The following NPTN variants were observed in gnomAD, a reference collection of about 807,000 sequenced individuals.
NPTN encodes SDR-1.
NPTN carries 5 observed loss-of-function variants against 42.7 expected under a neutral mutation model. The ratio of observed to expected loss-of-function variants is 0.12; its 90% confidence interval spans 0.06 to 0.25. The LOEUF is 0.25. Among genes scored for constraint, NPTN ranks in the 10% least tolerant of loss-of-function variants. NPTN has a pLI of 1.00. For missense variants in NPTN, 307 were observed against 525.4 expected (o/e 0.58, Z 4.06); for synonymous variants, 180 against 201.9 (o/e 0.89, Z 0.92).
intron 1 of NPTN, among the ~76,000 whole-genome samples, chr15:73,620,228 C>T (rs931441335): frequency 2.0e-5 from 3 of 152,156 alleles, no homozygotes; most frequent in African/African-American, 7.2e-5. Flanking sequence ...AGTTTGCAAA[C>T]CCTGCTTTAA....
intron 4 of NPTN, among the ~76,000 whole-genome samples, chr15:73,584,896 A>G (rs527512449): frequency 6.6e-6 from 1 of 152,248 alleles, no homozygotes; most frequent in East Asian, 1.9e-4. Context: ...TGGTTAAAAA[A>G]CATGATCATC....
rs529884330 is a variant in NPTN, at chr15:73,612,594, C to T, written c.92-15225G>A. On this transcript the variant is annotated intron_variant, in intron 1 of 8. Transcript: ENST00000345330. ...CATCCTGGCTAACATGGTGAAACCC[C>T]GCCTCTACTAAAAAAAATACAAAAA... is the stretch of plus-strand genomic sequence containing the variant. Among the ~76,000 whole-genome samples the T allele has an allele frequency of 4.6e-5, 7 of 152,036 alleles. No homozygotes were observed. The South Asian group carries it at 6.2e-4, about 14-fold the overall frequency.
At chr15:73,627,496 G>A (rs1170787255) in intron 1 of NPTN, among the ~76,000 whole-genome samples, 3 of 152,108 alleles carry the variant, frequency 2.0e-5, no homozygotes, top group Non-Finnish European at 4.4e-5. Context: ...GAAAACAGCA[G>A]GTATCTGAGG....
Position 73,570,171 on chromosome 15 carries a change from T to C in NPTN, c.1093A>G (p.Arg365Gly). ...VIIVVYEKRK[R>G]PDEVPDDDEP... is the part of the protein sequence containing the mutation. ...TTACCGTCAGGAACCTCATCTGGCC[T>C]CTTCCTCTTCTCATACACAACAATG... is the stretch of plus-strand genomic sequence containing the variant. The change falls in exon 6 of 9, where the codon AGG becomes GGG. Residue 365 changes from arginine to glycine, a missense_variant. Around this residue, in one of 2 missense-constraint regions of NPTN, gnomAD observed 264 missense variants for 491.1 expected, o/e 0.54. Transcript: ENST00000345330. This position sits in a 1 kb window ranked among gnomAD's most constrained non-coding sequence, Gnocchi z 4.0. 1 of 1,611,512 alleles carries C rather than the reference T, an allele frequency of 6.2e-7. No homozygotes were observed. The highest frequency in any genetic ancestry group is 8.5e-7 in the Non-Finnish European group (1 of 1,177,914).
At position 73,633,177 on chromosome 15, in the gene NPTN, C is replaced by A. The variant is rs376609775; in HGVS notation, c.39G>T (p.Ser13=). ...GSSLPSALAL[S]LLLVSGSLLP... is the part of the protein sequence containing the mutation. ...GGAGGGAGCCAGAGACCAGCAACAG[C>A]GAGAGGGCCAGGGCGCTGGGCAGCG... is the stretch of plus-strand genomic sequence containing the variant. Residue 13 remains serine, a synonymous_variant, in exon 1 of 9, where the codon TCG becomes TCT. Coordinates refer to ENST00000345330, the MANE Select transcript of NPTN (RefSeq NM_012428.4). 7 of 1,520,126 alleles carry A rather than the reference C, an allele frequency of 4.6e-6. No individual in the cohort carries two copies. The highest frequency in any genetic ancestry group is 1.2e-5 in the South Asian group (1 of 80,236). The allele number at this position is 1,520,126 out of a possible 1,614,324, so 94.2% of individuals were successfully genotyped here. A position where few individuals can be genotyped will look rare whatever the true frequency, so the allele number is the denominator to read the frequency against.
rs184752047 is a variant in NPTN, at chr15:73,619,456, A to G, written c.91+13669T>C. Among the ~76,000 whole-genome samples, 923 of 152,312 alleles carry G rather than the reference A, an allele frequency of 6.1e-3. 6 individuals are homozygous for G. The highest frequency in any genetic ancestry group is 7.1e-3 in the Non-Finnish European group (484 of 68,022). On this transcript the variant is annotated intron_variant, in intron 1 of 8. Coordinates refer to ENST00000345330, the MANE Select transcript of NPTN (RefSeq NM_012428.4). Reference sequence around the variant, plus strand: ...TAAGTCAAGCAACAACTACCAAAACATGTCACTTCTATGGAACAACTTAAT... The same window carrying G: ...TAAGTCAAGCAACAACTACCAAAACGTGTCACTTCTATGGAACAACTTAAT...
intron 1 of NPTN, among the ~76,000 whole-genome samples, chr15:73,623,692 AAAAC>A (rs1187988555): frequency 5.3e-5 from 8 of 152,196 alleles, no homozygotes; most frequent in African/African-American, 1.9e-4. Flanking sequence ...GTTTCAAAAC[AAAAC>A]AAACAACAGA....
intron 3 of NPTN, among the ~76,000 whole-genome samples, chr15:73,588,418 CA>C (rs1181312691): frequency 1.3e-5 from 2 of 152,126 alleles, no homozygotes; most frequent in Non-Finnish European, 2.9e-5. Flanking sequence ...TAACAGGACC[CA>C]GGCACAGTTT....
At chr15:73,561,774 G>T in intron 8 of NPTN, 122 bp downstream of exon 8, 1 of 742,172 alleles carries the variant, frequency 1.3e-6, no homozygotes, top group Non-Finnish European at 2.3e-6. Flanking sequence ...ATCAGTATCA[G>T]CTGCTCTGAA....
intron 4 of NPTN, among the ~76,000 whole-genome samples, chr15:73,583,520 C>T (rs948154567): frequency 3.3e-5 from 5 of 152,058 alleles, no homozygotes; most frequent in African/African-American, 1.2e-4. Flanking sequence ...AGTGCCTGAC[C>T]CACAGTAAGT....
intron 1 of NPTN, 59 bp downstream of exon 1, chr15:73,633,066 C>T: frequency 1.6e-6 from 2 of 1,221,744 alleles, no homozygotes; most frequent in Non-Finnish European, 2.2e-6. Context: ...AGAGCCGGGC[C>T]CCCTCCGGCC....
intron 2 of NPTN, among the ~76,000 whole-genome samples, chr15:73,596,203 A>G (rs970257597): frequency 2.0e-5 from 3 of 152,250 alleles, no homozygotes; most frequent in African/African-American, 4.8e-5. Context: ...ACAGCAAAAC[A>G]TAAGAAGGAA....
chr15:73,594,160 C>T (rs1896725122), intron 2 of NPTN, among the ~76,000 whole-genome samples: 1 of 152,140 alleles, frequency 6.6e-6, no homozygotes, highest in South Asian at 2.1e-4. Context: ...TTTTATTATC[C>T]AATTTCATTT....
In NPTN at chr15:73,569,121, GC is replaced by G. The variant is rs1249358781; in HGVS notation, c.1114+1028del. 1 of 985,642 alleles carries G rather than the reference GC, an allele frequency of 1.0e-6. No individual in the cohort carries two copies. Among genetic ancestry groups the G allele is most frequent in the East Asian group, 1.1e-4 (1 of 8,814 alleles). The allele number at this position is 985,642 out of a possible 1,614,324, so 61.1% of individuals were successfully genotyped here. ...ATCACCCCGGGTAGGCTACCACTGAGCCCAGGGGCACACCCATCTGTCTAGT... is the reference window on the plus strand; with the variant it reads ...ATCACCCCGGGTAGGCTACCACTGAGCCAGGGGCACACCCATCTGTCTAGT... On this transcript the variant is annotated intron_variant, in intron 6 of 8. Transcript: ENST00000345330. This position sits in a 1 kb window ranked among gnomAD's most constrained non-coding sequence, Gnocchi z 4.1.
chr15:73,565,139 G>A (rs1038509498), intron 6 of NPTN, among the ~76,000 whole-genome samples: 6 of 152,208 alleles, frequency 3.9e-5, no homozygotes, highest in African/African-American at 1.4e-4. Flanking sequence ...TAGCTGCCAT[G>A]CCTGCAAGTG....
intron 3 of NPTN, chr15:73,591,562 G>A (rs1390133718): frequency 1.3e-5 from 2 of 154,664 alleles, no homozygotes; most frequent in African/African-American, 4.8e-5. Context: ...GTGGAAAGAT[G>A]GCTTAGGGAG....
At chr15:73,587,289 A>G (rs1464248451) in intron 4 of NPTN, among the ~76,000 whole-genome samples, 5 of 152,218 alleles carry the variant, frequency 3.3e-5, no homozygotes, top group Non-Finnish European at 7.3e-5. Flanking sequence ...CATTTTAAAA[A>G]TGAGGAAAAG....
rs1898873341 is a variant in NPTN, at chr15:73,633,319, G to A, written c.-104C>T. On this transcript the variant is annotated 5_prime_UTR_variant, in exon 1 of 9. Coordinates refer to ENST00000345330, the MANE Select transcript of NPTN (RefSeq NM_012428.4). Reference sequence around the variant, plus strand: ...GGCGGGCGAGTGCGCGAGGGAGTGAGCGAGGGAGGCAGCCGCGGCTCGGCT... The same window carrying A: ...GGCGGGCGAGTGCGCGAGGGAGTGAACGAGGGAGGCAGCCGCGGCTCGGCT... 4.7e-6 allele frequency: 4 copies of A among 848,700 alleles called. No individual in the cohort carries two copies. Among genetic ancestry groups the A allele is most frequent in the Admixed American group, 4.1e-5 (1 of 24,178 alleles). 52.6% of individuals were successfully genotyped at this position (848,700 alleles called of 1,614,324 possible). A position where few individuals can be genotyped will look rare whatever the true frequency, so the allele number is the denominator to read the frequency against.
chr15:73,606,943 A>C (rs894394885), intron 1 of NPTN, among the ~76,000 whole-genome samples: 1 of 152,164 alleles, frequency 6.6e-6, no homozygotes, highest in Non-Finnish European at 1.5e-5. Context: ...CATCCTCAGT[A>C]TCAGATCAGG....
Sources: gnomAD v4.1 joint callset for allele counts (sites outside exome capture counted in the v4.1 genomes callset) on GRCh38, gnomAD v4.1.1 for gene constraint, gnomAD v4.1.1 regional missense constraint, Gnocchi (gnomAD v3.1) non-coding constraint, MANE v1.5 for transcripts, NCBI Gene and HGNC (gene_info 2026-07-23, HGNC 2026-07-21) for gene names.